WWOX: variants seen among roughly 807,000 people sequenced by gnomAD.
WWOX encodes WW domain-containing oxidoreductase.
In WWOX, 69 loss-of-function variants were observed where a neutral mutation model predicts 46.2. The observed-to-expected ratio is 1.49, with a 90% CI of 1.23 to 1.82. The LOEUF (loss-of-function observed/expected upper bound fraction) is 1.82, where lower values mean the gene tolerates loss of function less well. Among genes scored for constraint, WWOX ranks in the 40% most tolerant of loss-of-function variants. The pLI is 0.00. For missense variants in WWOX, 919 were observed against 542.6 expected (o/e 1.69, Z -6.89); for synonymous variants, 359 against 202.6 (o/e 1.77, Z -6.56).
chr16:78,868,435 T>G (rs1049133519), intron 8 of WWOX, among the ~76,000 whole-genome samples: 6 of 151,784 alleles, frequency 4.0e-5, no homozygotes, highest in Non-Finnish European at 8.8e-5. Flanking sequence ...GAAAATGTTC[T>G]AGGACAAGAC....
rs1447077790 is a variant in WWOX, at chr16:78,640,268, A to AT, written c.1056+207517dup. On this transcript the variant is annotated intron_variant, in intron 8 of 8. Coordinates refer to ENST00000566780, the MANE Select transcript of WWOX (RefSeq NM_016373.4). ...TTTTTTTTTTTTGGCTTTTGCGCCT[A>AT]TGGTGACTTTTAGCGAATGGATACT... is the stretch of plus-strand genomic sequence containing the variant. Among the ~76,000 whole-genome samples, 8 of 103,120 alleles carry AT rather than the reference A, an allele frequency of 7.8e-5. No homozygotes were observed. In the East Asian group the frequency reaches 2.5e-3, roughly 32 times the overall value. The allele number at this position is 103,120 out of a possible 152,430, so 67.7% of individuals were successfully genotyped here.
intron 8 of WWOX, among the ~76,000 whole-genome samples, chr16:78,508,252 C>T (rs1046464227): frequency 6.6e-6 from 1 of 150,762 alleles, no homozygotes; most frequent in Admixed American, 6.6e-5. Context: ...CTCAGGTGAT[C>T]CTCCTGCCTC....
intron 8 of WWOX, among the ~76,000 whole-genome samples, chr16:78,639,990 A>G (rs1238085041): frequency 2.0e-5 from 3 of 152,184 alleles, no homozygotes; most frequent in South Asian, 4.1e-4. Context: ...TGAATCCCAC[A>G]CAGTGCTGGG....
At chr16:78,327,341 TC>T (rs1195499905) in intron 5 of WWOX, among the ~76,000 whole-genome samples, 3 of 152,148 alleles carry the variant, frequency 2.0e-5, no homozygotes, top group African/African-American at 7.2e-5. Flanking sequence ...GTGCCAGCTT[TC>T]AAAGCCAGTT....
intron 8 of WWOX, among the ~76,000 whole-genome samples, chr16:79,083,567 G>C (rs916322302): frequency 1.3e-5 from 2 of 152,138 alleles, no homozygotes; most frequent in Admixed American, 6.5e-5. Context: ...TTATTCATCT[G>C]CTTATGCACG....
At chr16:78,477,003 G>C (rs1046726264) in intron 8 of WWOX, among the ~76,000 whole-genome samples, 1 of 151,680 alleles carries the variant, frequency 6.6e-6, no homozygotes, top group African/African-American at 2.4e-5. Context: ...GATTGTGTCT[G>C]CGCTTTTGTT....
intron 4 of WWOX, among the ~76,000 whole-genome samples, chr16:78,149,548 C>A (rs1408952569): frequency 1.3e-5 from 2 of 152,206 alleles, no homozygotes; most frequent in Non-Finnish European, 2.9e-5. Flanking sequence ...GCTGAAGAGA[C>A]CTCAATTCTG....
intron 8 of WWOX, among the ~76,000 whole-genome samples, chr16:78,559,297 A>G (rs867241894): frequency 1.3e-5 from 2 of 152,168 alleles, no homozygotes; most frequent in African/African-American, 2.4e-5. Context: ...AGAACGATGG[A>G]TTTGTGAGGG....
chr16:78,868,255 C>G (rs923003507), intron 8 of WWOX, among the ~76,000 whole-genome samples: 1 of 152,090 alleles, frequency 6.6e-6, no homozygotes, highest in African/African-American at 2.4e-5. Flanking sequence ...AAACATTACG[C>G]TAAGTGAAGG....
chr16:78,621,406 T>TC, intron 8 of WWOX, among the ~76,000 whole-genome samples: 1 of 151,822 alleles, frequency 6.6e-6, no homozygotes, highest in Admixed American at 6.6e-5. Flanking sequence ...CTTTCACCTC[T>TC]CCCCTGGTAA....
At chr16:78,698,643 C>G (rs1243658330) in intron 8 of WWOX, among the ~76,000 whole-genome samples, 2 of 152,116 alleles carry the variant, frequency 1.3e-5, no homozygotes, top group African/African-American at 4.8e-5. Flanking sequence ...TGACAAACTT[C>G]CCAAGAATGT....
chr16:79,173,215 C>T (rs919359226), intron 8 of WWOX, among the ~76,000 whole-genome samples: 18 of 152,342 alleles, frequency 1.2e-4, no homozygotes, highest in South Asian at 6.2e-4. Flanking sequence ...GTTCACATCA[C>T]CTGCTCCCCT....
At chr16:78,712,730 C>T (rs2048469581) in intron 8 of WWOX, among the ~76,000 whole-genome samples, 1 of 151,992 alleles carries the variant, frequency 6.6e-6, no homozygotes, top group Admixed American at 6.6e-5. Flanking sequence ...GTTAGAGATG[C>T]ATACCGAAAA....
chr16:78,776,818 C>T (rs898380100), intron 8 of WWOX, among the ~76,000 whole-genome samples: 2 of 152,056 alleles, frequency 1.3e-5, no homozygotes, highest in Non-Finnish European at 2.9e-5. Context: ...AGGAAACCAC[C>T]ACATATAAAA....
chr16:78,966,923 C>A (rs1171863391), intron 8 of WWOX, among the ~76,000 whole-genome samples: 1 of 152,190 alleles, frequency 6.6e-6, no homozygotes, highest in African/African-American at 2.4e-5. Context: ...TAAAAAGCGT[C>A]TGCGTTGTGT....
At chr16:78,248,002 T>G (rs1251255328) in intron 5 of WWOX, among the ~76,000 whole-genome samples, 1 of 152,216 alleles carries the variant, frequency 6.6e-6, no homozygotes, top group Non-Finnish European at 1.5e-5. Context: ...TGCAACATAA[T>G]GCTGATGCTA....
At chr16:79,091,864 T>C (rs1429780681) in intron 8 of WWOX, among the ~76,000 whole-genome samples, 5 of 132,688 alleles carry the variant, frequency 3.8e-5, no homozygotes, top group Non-Finnish European at 7.8e-5. Context: ...CACTGCAACC[T>C]CCACTTCCTG....
chr16:78,159,579 T>C (rs774234831), intron 4 of WWOX, among the ~76,000 whole-genome samples: 26 of 152,004 alleles, frequency 1.7e-4, no homozygotes, highest in Non-Finnish European at 3.2e-4. Context: ...TGAGAATTAG[T>C]GACAGTGAGC....
intron 8 of WWOX, among the ~76,000 whole-genome samples, chr16:78,909,880 C>G (rs1487846401): frequency 6.6e-6 from 1 of 152,158 alleles, no homozygotes; most frequent in Non-Finnish European, 1.5e-5. Context: ...ATGCTTATTC[C>G]TTAGGCATCC....
Sources: allele counts gnomAD v4.1 joint callset (sites outside exome capture counted in the v4.1 genomes callset), GRCh38; gene constraint gnomAD v4.1.1; transcripts MANE v1.5; gene names NCBI Gene and HGNC (gene_info 2026-07-23, HGNC 2026-07-21).